HCN1: variants seen among roughly 807,000 people sequenced by gnomAD.
The protein encoded by HCN1 is potassium/sodium hyperpolarization-activated cyclic nucleotide-gated channel 1.
A neutral mutation model predicts 78.9 loss-of-function variants in HCN1; 13 were observed. That is an observed-to-expected ratio of 0.16 (90% CI 0.11 to 0.26). HCN1 has a LOEUF of 0.26. Ranked by LOEUF, HCN1 falls within the 10% of genes least tolerant of loss-of-function variation. The pLI, the probability that HCN1 is intolerant of heterozygous loss-of-function variation, is 1.00. For missense variants in HCN1, 810 were observed against 1,154.3 expected (o/e 0.70, Z 4.32); for synonymous variants, 552 against 455.5 (o/e 1.21, Z -2.70).
At chr5:45,373,518 T>C (rs898510583) in intron 4 of HCN1, among the ~76,000 whole-genome samples, 1 of 141,070 alleles carries the variant, frequency 7.1e-6, no homozygotes, top group African/African-American at 2.6e-5. Flanking sequence ...TCATCTATAA[T>C]ATATATTACA....
chr5:45,639,515 C>T (rs1333100326), intron 2 of HCN1, among the ~76,000 whole-genome samples: 8 of 152,086 alleles, frequency 5.3e-5, no homozygotes, highest in Non-Finnish European at 1.0e-4. Flanking sequence ...AAAATAATGT[C>T]GCAGTTGAAA....
chr5:45,689,906 G>T (rs898935401), intron 1 of HCN1, among the ~76,000 whole-genome samples: 6 of 152,046 alleles, frequency 3.9e-5, no homozygotes, highest in Non-Finnish European at 7.4e-5. Context: ...ATCATAACAG[G>T]AATGTCAACC....
intron 2 of HCN1, among the ~76,000 whole-genome samples, chr5:45,528,743 A>G (rs1341870826): frequency 6.6e-6 from 1 of 152,010 alleles, no homozygotes; most frequent in Non-Finnish European, 1.5e-5. Context: ...AAAATCTATG[A>G]ACTCTGACAA....
At chr5:45,334,851 T>C (rs1429152373) in intron 5 of HCN1, among the ~76,000 whole-genome samples, 1 of 152,014 alleles carries the variant, frequency 6.6e-6, no homozygotes, top group Admixed American at 6.6e-5. Context: ...CTTCACAGTA[T>C]GATTATGGCC....
chr5:45,325,120 T>C lies in HCN1; in HGVS notation c.1378-21281A>G, dbSNP rs560052206. ...CGTTGCCCCCATTATGGCTCTGAGG[T>C]AGACAAGGAGAAAAAAATTGCTTCA... is the stretch of plus-strand genomic sequence containing the variant. On this transcript the variant is annotated intron_variant, in intron 5 of 7. Transcript: ENST00000303230. 3.3e-5 allele frequency among the ~76,000 whole-genome samples: 5 copies of C among 151,744 alleles called. No individual in the cohort carries two copies. The South Asian group carries it at 1.0e-3, about 31-fold the overall frequency.
intron 2 of HCN1, among the ~76,000 whole-genome samples, chr5:45,542,817 T>A (rs1338689868): frequency 2.0e-5 from 3 of 152,136 alleles, no homozygotes; most frequent in African/African-American, 7.2e-5. Context: ...ATATTTAACA[T>A]CACTTAAAAG....
chr5:45,308,905 T>C (rs112260438), intron 5 of HCN1, among the ~76,000 whole-genome samples: 1,713 of 152,226 alleles, frequency 0.011, 10 homozygotes, highest in Non-Finnish European at 0.018. Context: ...CTGTGAAGAA[T>C]GTCAGCGGTA....
chr5:45,608,659 A>G lies in HCN1; in HGVS notation c.849+36526T>C, dbSNP rs567700989. 1.9e-3 allele frequency among the ~76,000 whole-genome samples: 283 copies of G among 152,154 alleles called. 2 individuals are homozygous for G. Among genetic ancestry groups the G allele is most frequent in the Non-Finnish European group, 2.6e-3 (175 of 67,932 alleles). ...AAAATCAATTTTGATGGAAAATGAC[A>G]TAACCCATCATGAAAGGTATATTTT... is the stretch of plus-strand genomic sequence containing the variant. On this transcript the variant is annotated intron_variant, in intron 2 of 7. Coordinates refer to ENST00000303230, the MANE Select transcript of HCN1 (RefSeq NM_021072.4).
chr5:45,437,042 A>C (rs547832205), intron 3 of HCN1, among the ~76,000 whole-genome samples: 44 of 152,342 alleles, frequency 2.9e-4, no homozygotes, highest in African/African-American at 1.0e-3. Context: ...ACCCATGTGT[A>C]TATGGCAAAT....
At chr5:45,489,399 A>G (rs1478695399) in intron 2 of HCN1, among the ~76,000 whole-genome samples, 1 of 152,176 alleles carries the variant, frequency 6.6e-6, no homozygotes, top group Non-Finnish European at 1.5e-5. Context: ...AAGCAATTTA[A>G]CAATAAAATA....
chr5:45,522,376 G>A (rs1742632876), intron 2 of HCN1, among the ~76,000 whole-genome samples: 1 of 151,946 alleles, frequency 6.6e-6, no homozygotes, highest in South Asian at 2.1e-4. Context: ...CAGATTTACT[G>A]ATTTGAATTA....
chr5:45,358,258 A>G (rs750442926), intron 4 of HCN1, among the ~76,000 whole-genome samples: 5 of 152,152 alleles, frequency 3.3e-5, no homozygotes, highest in Non-Finnish European at 5.9e-5. Context: ...CTGACGAATA[A>G]TTGAAGGGAA....
intron 2 of HCN1, among the ~76,000 whole-genome samples, chr5:45,530,335 C>T (rs1742816011): frequency 1.3e-5 from 2 of 151,950 alleles, no homozygotes; most frequent in South Asian, 4.1e-4. Flanking sequence ...AGCAACACAA[C>T]ATTAGCTTTC....
chr5:45,383,113 T>C (rs1437258984), intron 4 of HCN1, among the ~76,000 whole-genome samples: 1 of 152,144 alleles, frequency 6.6e-6, no homozygotes. Flanking sequence ...ATAAAACTTG[T>C]TGTGGTCATG....
intron 2 of HCN1, among the ~76,000 whole-genome samples, chr5:45,613,727 A>G (rs1332499377): frequency 6.6e-6 from 1 of 152,136 alleles, no homozygotes. Context: ...ATGTCCAACA[A>G]TGATAGACTG....
At chr5:45,671,379 TTA>T (rs1365823008) in intron 1 of HCN1, among the ~76,000 whole-genome samples, 2 of 151,434 alleles carry the variant, frequency 1.3e-5, no homozygotes, top group Non-Finnish European at 3.0e-5. Flanking sequence ...TTATCTGCTA[TTA>T]TATATTATTA....
chr5:45,520,859 G>A (rs964062425), intron 2 of HCN1, among the ~76,000 whole-genome samples: 16 of 151,902 alleles, frequency 1.1e-4, no homozygotes, highest in Admixed American at 4.0e-4. Context: ...TAATATAAGT[G>A]TTATCACATG....
intron 5 of HCN1, among the ~76,000 whole-genome samples, chr5:45,326,133 T>TA (rs746797907): frequency 1.3e-5 from 2 of 151,610 alleles, no homozygotes; most frequent in East Asian, 1.9e-4. Context: ...GCATTTTCCT[T>TA]AAAAAAATTA....
At chr5:45,464,936 T>C (rs2111634706) in intron 2 of HCN1, among the ~76,000 whole-genome samples, 1 of 152,294 alleles carries the variant, frequency 6.6e-6, no homozygotes, top group East Asian at 1.9e-4. Context: ...CAACTTATTA[T>C]TAATAAGGGC....
Sources: gnomAD v4.1 joint callset for allele counts (sites outside exome capture counted in the v4.1 genomes callset) on GRCh38, gnomAD v4.1.1 for gene constraint, MANE v1.5 for transcripts, NCBI Gene and HGNC (gene_info 2026-07-23, HGNC 2026-07-21) for gene names.